Variants in ADGRD1 observed in about 807,000 individuals in gnomAD.
The protein encoded by ADGRD1 is adhesion G protein-coupled receptor D1.
ADGRD1 carries 77 observed loss-of-function variants against 113.4 expected under a neutral mutation model. That is an observed-to-expected ratio of 0.68 (90% CI 0.57 to 0.82). The LOEUF (loss-of-function observed/expected upper bound fraction) is 0.82. Among genes scored for constraint, ADGRD1 ranks in the 40% least tolerant of loss-of-function variants. ADGRD1 has a pLI of 0.00. For synonymous variants in ADGRD1, 474 were observed against 475.0 expected, an observed-to-expected ratio of 1.00 and a Z score of 0.03; for missense variants, 1,036 against 1,139.1, an observed-to-expected ratio of 0.91 and a Z score of 1.30.
chr12:131,018,894 G>C (rs947641739), intron 13 of ADGRD1, among the ~76,000 whole-genome samples: 6 of 152,180 alleles, frequency 3.9e-5, no homozygotes, highest in African/African-American at 1.4e-4. Flanking sequence ...CTCCCGGGTT[G>C]TTCTGGTTCT....
chr12:131,004,483 C>T (rs181881920), intron 11 of ADGRD1, among the ~76,000 whole-genome samples, 187 bp downstream of exon 11: 10 of 151,874 alleles, frequency 6.6e-5, no homozygotes, highest in Admixed American at 3.3e-4. Flanking sequence ...GTTCTCAAAG[C>T]GTGTCCTCAG....
In ADGRD1 at chr12:131,131,775, C is replaced by T. The variant is rs756992360; in HGVS notation, c.2226C>T (p.Ser742=). 78 of 1,612,730 alleles carry T rather than the reference C, an allele frequency of 4.8e-5. No individual in the cohort carries two copies. The highest frequency in any genetic ancestry group is 1.7e-4 in the Middle Eastern group (1 of 6,056). Residue 742 remains serine, a synonymous_variant, in exon 21 of 25, where the codon AGC becomes AGT. Coordinates refer to ENST00000261654, the MANE Select transcript of ADGRD1 (RefSeq NM_198827.5). The part of the protein sequence containing the change: ...IAVTRVISQI[S]ADNYKIHGDP... ...TGACCAGAGTCATCTCACAGATCAG[C>T]GCCGACAACTACAAGATCCATGGAG...
rs1422789778 is a variant in ADGRD1 at position 131,060,880 on chromosome 12, G to T, written c.1474-15921G>T. Among the ~76,000 whole-genome samples the T allele has an allele frequency of 6.6e-6, 1 of 151,960 alleles. No homozygotes were observed. Among genetic ancestry groups the T allele is most frequent in the East Asian group, 1.9e-4 (1 of 5,166 alleles). ...CAAGCTCATGGGCTGTGGTAATTCT[G>T]GCCTCCCAGGGGCTCAGTCCACCCC... On this transcript the variant is annotated intron_variant, in intron 13 of 24. Transcript: ENST00000261654. This position sits in a 1 kb window ranked among gnomAD's most constrained non-coding sequence, Gnocchi z 4.4.
chr12:131,124,054 A>G (rs1382652550), intron 20 of ADGRD1, among the ~76,000 whole-genome samples: 2 of 152,266 alleles, frequency 1.3e-5, no homozygotes, highest in African/African-American at 4.8e-5. Flanking sequence ...GGCAGAAGGC[A>G]TATCAACCTC....
intron 4 of ADGRD1, among the ~76,000 whole-genome samples, chr12:130,975,065 A>G (rs541558304): frequency 6.6e-6 from 1 of 152,230 alleles, no homozygotes; most frequent in African/African-American, 2.4e-5. Flanking sequence ...TTCCCTCAAT[A>G]CTCAGGATTC....
Position 131,003,445 on chromosome 12 carries a change from G to A in ADGRD1, c.1144+143G>A. 1.5e-6 allele frequency: 1 copy of A among 676,494 alleles called. No individual in the cohort carries two copies. The highest frequency in any genetic ancestry group is 2.6e-5 in the East Asian group (1 of 38,796). 41.9% of individuals were successfully genotyped at this position (676,494 alleles called of 1,614,324 possible). On this transcript the variant is annotated intron_variant, in intron 10 of 24. Transcript: ENST00000261654. The surrounding 1 kb of genome is among the most constrained non-coding windows in gnomAD (Gnocchi z 4.8). ...TGCCTGGCACAAACCACATTTGGAA[G>A]GAAAACCCGTGGTCAGATGAGGGCA...
At chr12:131,130,176 G>C (rs1460278904) in intron 20 of ADGRD1, among the ~76,000 whole-genome samples, 4 of 152,236 alleles carry the variant, frequency 2.6e-5, no homozygotes, top group African/African-American at 9.6e-5. Context: ...TCTTTGTGCA[G>C]ACACCATGCT....
chr12:131,049,030 C>T (rs373237962), intron 13 of ADGRD1, among the ~76,000 whole-genome samples: 335 of 152,198 alleles, frequency 2.2e-3, no homozygotes, highest in African/African-American at 7.5e-3. Context: ...GGAGAGAGGG[C>T]GAGGCCAAAG....
At chr12:131,005,788 G>A (rs1312381228) in intron 11 of ADGRD1, among the ~76,000 whole-genome samples, 184 bp from the exon 12 acceptor site, 1 of 151,406 alleles carries the variant, frequency 6.6e-6, no homozygotes, top group African/African-American at 2.4e-5. Flanking sequence ...CCACCGTCAC[G>A]CTGCTGAGTT....
At chr12:131,108,635 A>T in intron 17 of ADGRD1, 89 bp from the exon 18 acceptor site, 1 of 1,578,506 alleles carries the variant, frequency 6.3e-7, no homozygotes, top group South Asian at 1.1e-5. Flanking sequence ...AAGACCACCC[A>T]GGACATGGAT....
Position 131,104,927 on chromosome 12 carries a change from G to A in ADGRD1, c.1768G>A (p.Val590Met), listed in dbSNP as rs558185422. 62 of 1,548,890 alleles carry A rather than the reference G, an allele frequency of 4.0e-5. No homozygotes were observed. The highest frequency in any genetic ancestry group is 1.7e-4 in the Middle Eastern group (1 of 5,980). The change falls in exon 16 of 25, where the codon GTG becomes ATG. Residue 590 changes from valine to methionine, a missense_variant. Physicochemically the swap from Val to Met is conservative, Grantham distance 21. Coordinates refer to ENST00000261654, the MANE Select transcript of ADGRD1 (RefSeq NM_198827.5). ...GGTGGCCACGCTGGTCACCTTCGCCGTGCTGTCGTGAGTCCCCTTTTCTAA... is the reference window on the plus strand; with the variant it reads ...GGTGGCCACGCTGGTCACCTTCGCCATGCTGTCGTGAGTCCCCTTTTCTAA... ...CLVATLVTFA[V>M]LSSVSTIRNQ...
chr12:131,003,080 G>T lies in ADGRD1; in HGVS notation c.1027-105G>T. 1.1e-6 allele frequency: 1 copy of T among 900,764 alleles called. No homozygotes were observed. 55.8% of individuals were successfully genotyped at this position (900,764 alleles called of 1,614,324 possible). A position where few individuals can be genotyped will look rare whatever the true frequency, so the allele number is the denominator to read the frequency against. On this transcript the variant is annotated intron_variant, in intron 9 of 24. Coordinates refer to ENST00000261654, the MANE Select transcript of ADGRD1 (RefSeq NM_198827.5). This position sits in a 1 kb window ranked among gnomAD's most constrained non-coding sequence, Gnocchi z 4.8. ...CAGTTGTGTGACTTCTTCCTCCCTC[G>T]TGGCCAACGTGGGGAAACTTGATTT... is the stretch of plus-strand genomic sequence containing the variant.
intron 8 of ADGRD1, among the ~76,000 whole-genome samples, chr12:130,999,306 G>A (rs1252999899): frequency 6.6e-6 from 1 of 152,244 alleles, no homozygotes; most frequent in Non-Finnish European, 1.5e-5. Context: ...GACACAGGGC[G>A]TGACCCATGA....
At position 130,986,976 on chromosome 12, in the gene ADGRD1, C is replaced by T. The variant is rs922724697; in HGVS notation, c.491-119C>T. 3.7e-6 allele frequency: 3 copies of T among 803,038 alleles called. No individual in the cohort carries two copies. In the African/African-American group the frequency reaches 5.1e-5, roughly 14 times the overall value. The allele number at this position is 803,038 out of a possible 1,614,324, so 49.7% of individuals were successfully genotyped here. ...TGTTATACCTTGTATTAGGACGCAC[C>T]ACAGTTAACAGTGATTGATCACCTT... On this transcript the variant is annotated intron_variant, in intron 5 of 24. Transcript: ENST00000261654.
intron 13 of ADGRD1, among the ~76,000 whole-genome samples, chr12:131,029,975 G>T (rs1281556174): frequency 6.6e-6 from 1 of 151,052 alleles, no homozygotes; most frequent in Non-Finnish European, 1.5e-5. Context: ...TCTGGGGTTA[G>T]GTTGTGGACC....
intron 4 of ADGRD1, among the ~76,000 whole-genome samples, chr12:130,972,403 T>C (rs1445965275): frequency 6.6e-6 from 1 of 152,158 alleles, no homozygotes; most frequent in African/African-American, 2.4e-5. Flanking sequence ...TCATTGTACA[T>C]GATTGTAGGA....
At chr12:131,030,834 A>C (rs1365256837) in intron 13 of ADGRD1, 1 of 152,236 alleles carries the variant, frequency 6.6e-6, no homozygotes, top group Non-Finnish European at 1.5e-5. Flanking sequence ...ATCGCTTTGA[A>C]TACGCCGGGG....
rs751861383 is a variant in ADGRD1, at chr12:131,084,491, G to A, written c.1548-49G>A. The A allele has an allele frequency of 1.4e-5, 22 of 1,610,912 alleles. No individual in the cohort carries two copies. The Admixed American group carries it at 3.2e-4, about 23-fold the overall frequency. On this transcript the variant is annotated intron_variant, in intron 14 of 24. Coordinates refer to ENST00000261654, the MANE Select transcript of ADGRD1 (RefSeq NM_198827.5). This position sits in a 1 kb window ranked among gnomAD's most constrained non-coding sequence, Gnocchi z 4.5. ...GGGTGCTGCTCTCAGTCCCCTGCCT[G>A]CCAAGGGTGCGGTGCTACCTCCTCT...
At chr12:131,110,456 A>T (rs1950325182) in intron 18 of ADGRD1, among the ~76,000 whole-genome samples, 1 of 152,176 alleles carries the variant, frequency 6.6e-6, no homozygotes, top group African/African-American at 2.4e-5. Flanking sequence ...ATTATAAGAT[A>T]TAAACATTAT....
Sources: gnomAD v4.1 joint callset for allele counts (sites outside exome capture counted in the v4.1 genomes callset) on GRCh38, gnomAD v4.1.1 for gene constraint, Gnocchi (gnomAD v3.1) non-coding constraint, MANE v1.5 for transcripts, NCBI Gene and HGNC (gene_info 2026-07-23, HGNC 2026-07-21) for gene names.